Variants in LDAH observed in about 807,000 individuals in gnomAD.
LDAH encodes the protein lipid droplet associated hydrolase, also known as lipid droplet-associated hydrolase.
In LDAH, 26 loss-of-function variants were observed where a neutral mutation model predicts 29.6. The ratio of observed to expected loss-of-function variants is 0.88; its 90% confidence interval spans 0.64 to 1.22. The LOEUF is 1.22. Ranked by LOEUF, LDAH falls within the 50% of genes most tolerant of loss-of-function variation. LDAH has a pLI of 0.00. For synonymous variants in LDAH, 117 were observed against 133.0 expected (o/e 0.88, Z 0.83); for missense variants, 344 against 387.3 (o/e 0.89, Z 0.94).
chr2:20,732,247 T>C (rs340622), intron 5 of LDAH, among the ~76,000 whole-genome samples: 4 of 152,200 alleles, frequency 2.6e-5, no homozygotes, highest in African/African-American at 9.6e-5. Context: ...GGTAATAGAA[T>C]AGTATATAAT....
chr2:20,722,816 C>T (rs574830984), intron 5 of LDAH, among the ~76,000 whole-genome samples: 7 of 152,094 alleles, frequency 4.6e-5, no homozygotes, highest in Admixed American at 2.0e-4. Context: ...ACCCAAATTA[C>T]AAAACATAGC....
chr2:20,707,392 C>G (rs548880528), intron 5 of LDAH, among the ~76,000 whole-genome samples: 1 of 152,214 alleles, frequency 6.6e-6, no homozygotes, highest in Admixed American at 6.5e-5. Flanking sequence ...GTGTGCAATG[C>G]CCCCTCCTTT....
intron 6 of LDAH, among the ~76,000 whole-genome samples, chr2:20,694,830 C>T (rs1270160569): frequency 6.6e-6 from 1 of 152,204 alleles, no homozygotes; most frequent in African/African-American, 2.4e-5. Context: ...TTCCGTGTGG[C>T]TAACATGTAA....
chr2:20,733,433 T>A (rs112482113), intron 5 of LDAH, among the ~76,000 whole-genome samples: 3,966 of 146,272 alleles, frequency 0.027, 180 homozygotes, highest in African/African-American at 0.096. Context: ...AGGATCTTAC[T>A]TCGTCTCCCA....
At chr2:20,805,316 T>C (rs1319532612) in intron 1 of LDAH, among the ~76,000 whole-genome samples, 2 of 152,196 alleles carry the variant, frequency 1.3e-5, no homozygotes, top group Admixed American at 1.3e-4. Context: ...AGCTGCTGTA[T>C]AGCTTCCCCT....
At chr2:20,769,473 T>C (rs1213190848) in intron 4 of LDAH, among the ~76,000 whole-genome samples, 1 of 152,222 alleles carries the variant, frequency 6.6e-6, no homozygotes, top group Non-Finnish European at 1.5e-5. Flanking sequence ...GAATGCTTCT[T>C]ACAAGCATGT....
At chr2:20,754,293 G>C (rs1297189598) in intron 4 of LDAH, among the ~76,000 whole-genome samples, 2 of 151,856 alleles carry the variant, frequency 1.3e-5, no homozygotes, top group Non-Finnish European at 2.9e-5. Context: ...TTTGAAACCA[G>C]CCTGGGCAAC....
intron 4 of LDAH, among the ~76,000 whole-genome samples, chr2:20,744,215 C>A (rs1244898887): frequency 3.9e-5 from 5 of 128,498 alleles, no homozygotes; most frequent in African/African-American, 1.3e-4. Flanking sequence ...TTGCTCTATT[C>A]TCCTCAGATT....
chr2:20,778,383 G>A (rs763143751), intron 3 of LDAH, among the ~76,000 whole-genome samples: 2 of 152,056 alleles, frequency 1.3e-5, no homozygotes, highest in Non-Finnish European at 2.9e-5. Context: ...TCAGTACTTC[G>A]CATTAACTTT....
At chr2:20,710,781 T>C (rs946165821) in intron 5 of LDAH, among the ~76,000 whole-genome samples, 8 of 148,678 alleles carry the variant, frequency 5.4e-5, no homozygotes, top group Middle Eastern at 3.5e-3. Flanking sequence ...GACTATTTTG[T>C]TTTTGGCATA....
Position 20,740,093 on chromosome 2 carries a change from C to T in LDAH, c.581G>A (p.Gly194Asp). 6.2e-7 allele frequency: 1 copy of T among 1,613,984 alleles called. No individual in the cohort carries two copies. The change falls in exon 5 of 7, where the codon GGC becomes GAC. Residue 194 changes from glycine (G) to aspartate (D), a missense_variant. Coordinates refer to ENST00000237822, the MANE Select transcript of LDAH (RefSeq NM_021925.4). ...AGGACACGGTTTCAATAATAAGTAG[C>T]CAGTAACATAGAGAACATATCGAAA... Reference protein sequence around the residue: ...CWFRYVLYVTGYLLLKPCPET... With the variant: ...CWFRYVLYVTDYLLLKPCPET...
chr2:20,718,469 T>G (rs1204377295), intron 5 of LDAH, among the ~76,000 whole-genome samples: 1 of 152,096 alleles, frequency 6.6e-6, no homozygotes, highest in African/African-American at 2.4e-5. Flanking sequence ...CGATATTACA[T>G]TAATAAATAT....
At chr2:20,749,110 C>T (rs1667781654) in intron 4 of LDAH, among the ~76,000 whole-genome samples, 1 of 152,094 alleles carries the variant, frequency 6.6e-6, no homozygotes, top group African/African-American at 2.4e-5. Context: ...GTGCTGGAGA[C>T]ACAGGGGTGA....
intron 2 of LDAH, among the ~76,000 whole-genome samples, chr2:20,798,965 G>A (rs1671487790): frequency 6.6e-6 from 1 of 151,946 alleles, no homozygotes; most frequent in Non-Finnish European, 1.5e-5. Context: ...GGTGGCTCAT[G>A]CCTATAATCC....
intron 5 of LDAH, among the ~76,000 whole-genome samples, chr2:20,728,818 A>G (rs952601099): frequency 4.2e-5 from 6 of 141,798 alleles, no homozygotes; most frequent in African/African-American, 1.5e-4. Context: ...GTTATGGGGA[A>G]AAAAAAAAAT....
At chr2:20,693,465 CAT>C (rs1370678774) in intron 6 of LDAH, among the ~76,000 whole-genome samples, 5 of 152,092 alleles carry the variant, frequency 3.3e-5, no homozygotes, top group Non-Finnish European at 7.3e-5. Flanking sequence ...AAAAAATGTA[CAT>C]GTCATATTCC....
intron 5 of LDAH, among the ~76,000 whole-genome samples, chr2:20,726,548 C>T (rs1666027380): frequency 6.6e-6 from 1 of 152,172 alleles, no homozygotes; most frequent in Non-Finnish European, 1.5e-5. Context: ...CCAGATGAAA[C>T]CTTCTTCCAA....
In LDAH at chr2:20,684,985, C is replaced by A; in HGVS notation, c.*1918G>T. ...TTAAAAGAGAGACTTTGAGCCGAGT[C>A]TAACTCAGGAGAACTGCTCAAATTG... On this transcript the variant is annotated 3_prime_UTR_variant, in exon 7 of 7. Transcript: ENST00000237822. 1.3e-6 allele frequency: 2 copies of A among 1,544,614 alleles called. No individual in the cohort carries two copies. Among genetic ancestry groups the A allele is most frequent in the South Asian group, 2.4e-5 (2 of 82,654 alleles).
At chr2:20,682,901 G>A (rs1327339154), downstream of LDAH, among the ~76,000 whole-genome samples, 2 of 152,140 alleles carry the variant, frequency 1.3e-5, no homozygotes, top group Non-Finnish European at 2.9e-5. Flanking sequence ...GGATTGGGAG[G>A]CCTAAGTGAG....
Sources: gnomAD v4.1 joint callset for allele counts (sites outside exome capture counted in the v4.1 genomes callset) on GRCh38, gnomAD v4.1.1 for gene constraint, MANE v1.5 for transcripts, NCBI Gene and HGNC (gene_info 2026-07-23, HGNC 2026-07-21) for gene names.